TRPC4AP: variants seen among roughly 807,000 people sequenced by gnomAD.
TRPC4AP encodes transient receptor potential cation channel subfamily C member 4 associated protein, also known as short transient receptor potential channel 4-associated protein.
TRPC4AP carries 45 observed loss-of-function variants against 99.0 expected under a neutral mutation model. That is an observed-to-expected ratio of 0.45 (90% CI 0.36 to 0.58). The LOEUF (loss-of-function observed/expected upper bound fraction) is 0.58. Ranked by LOEUF, TRPC4AP falls within the 20% of genes least tolerant of loss-of-function variation. TRPC4AP has a pLI of 0.00. For missense variants in TRPC4AP, 879 were observed against 985.3 expected (o/e 0.89, Z 1.44); for synonymous variants, 408 against 385.8 (o/e 1.06, Z -0.67).
intron 10 of TRPC4AP, among the ~76,000 whole-genome samples, chr20:35,015,276 C>G (rs968580043): frequency 6.6e-6 from 1 of 151,786 alleles, no homozygotes; most frequent in Non-Finnish European, 1.5e-5. Context: ...GCTGGGATTA[C>G]GGGTGTGACC....
chr20:35,039,895 G>A (rs927176928), intron 7 of TRPC4AP, among the ~76,000 whole-genome samples: 3 of 149,968 alleles, frequency 2.0e-5, no homozygotes, highest in African/African-American at 7.4e-5. Context: ...TATCTTCCTG[G>A]GGCTCAGATA....
intron 4 of TRPC4AP, 133 bp from the exon 5 acceptor site, chr20:35,055,164 C>A: frequency 2.8e-6 from 2 of 726,396 alleles, no homozygotes; most frequent in Admixed American, 2.9e-5. Context: ...TATACTTCTT[C>A]CAGCCCCTGT....
chr20:35,021,861 CT>C, intron 8 of TRPC4AP, among the ~76,000 whole-genome samples: 1 of 152,232 alleles, frequency 6.6e-6, no homozygotes, highest in Non-Finnish European at 1.5e-5. Context: ...TAAGGTTCAA[CT>C]TTCTAAAGCA....
At chr20:35,056,982 T>C (rs1220730565) in intron 4 of TRPC4AP, among the ~76,000 whole-genome samples, 2 of 10,746 alleles carry the variant, frequency 1.9e-4, no homozygotes, top group East Asian at 2.6e-3. Flanking sequence ...CGAGAGACTG[T>C]CTCAAAAAAA....
intron 17 of TRPC4AP, 109 bp from the exon 18 acceptor site, chr20:35,003,725 C>T: frequency 8.3e-7 from 1 of 1,208,466 alleles, no homozygotes; most frequent in Non-Finnish European, 1.2e-6. Context: ...GGCCTCGGGC[C>T]ACCCACAGAG....
chr20:35,083,470 G>A (rs995143755), intron 1 of TRPC4AP, among the ~76,000 whole-genome samples: 2 of 151,646 alleles, frequency 1.3e-5, no homozygotes, highest in South Asian at 2.1e-4. Flanking sequence ...TTAGCTGGGC[G>A]TGATGGTGGG....
chr20:35,063,020 T>C (rs983530512), intron 3 of TRPC4AP, among the ~76,000 whole-genome samples: 3 of 152,220 alleles, frequency 2.0e-5, no homozygotes, highest in Admixed American at 6.5e-5. Flanking sequence ...TCACCTTCAA[T>C]TGTAATAATC....
At chr20:35,027,374 A>C (rs866686411) in intron 8 of TRPC4AP, among the ~76,000 whole-genome samples, 15 of 152,380 alleles carry the variant, frequency 9.8e-5, no homozygotes, top group African/African-American at 3.6e-4. Flanking sequence ...ATGTTGAACC[A>C]AACTTGCATA....
chr20:35,086,690 T>C (rs1167648595), intron 1 of TRPC4AP, among the ~76,000 whole-genome samples: 2 of 151,764 alleles, frequency 1.3e-5, no homozygotes, highest in East Asian at 1.9e-4. Context: ...TAAATACTAA[T>C]GGTTAGAATG....
intron 1 of TRPC4AP, among the ~76,000 whole-genome samples, chr20:35,079,757 A>G (rs2145557): frequency 0.59 from 89,184 of 151,856 alleles, 27,165 homozygotes; most frequent in Middle Eastern, 0.74. Context: ...GTTTGCCCCA[A>G]TATTTGCCTA....
chr20:35,092,104 A>T (rs759576248), intron 1 of TRPC4AP, among the ~76,000 whole-genome samples: 6 of 152,222 alleles, frequency 3.9e-5, no homozygotes, highest in Non-Finnish European at 5.9e-5. Flanking sequence ...AGTAATGTAA[A>T]CGAAACGAAT....
intron 4 of TRPC4AP, 65 bp downstream of exon 4, chr20:35,057,449 G>T: frequency 7.6e-7 from 1 of 1,309,306 alleles, no homozygotes; most frequent in Non-Finnish European, 1.1e-6. Flanking sequence ...GAAGGCAGCT[G>T]CTGGGAACTG....
chr20:35,031,028 T>C (rs1270100958), intron 8 of TRPC4AP, among the ~76,000 whole-genome samples: 5 of 152,186 alleles, frequency 3.3e-5, no homozygotes, highest in Non-Finnish European at 7.3e-5. Flanking sequence ...AATGTTTTTA[T>C]TTCAACTTCA....
chr20:35,086,431 ATGTGTGTGTGTGTGTGTGTG>A (rs150231202), intron 1 of TRPC4AP, among the ~76,000 whole-genome samples: 16 of 109,528 alleles, frequency 1.5e-4, no homozygotes, highest in South Asian at 6.5e-4. Flanking sequence ...TGAATGGCAT[ATGTGTGTGTGTGTGTGTGTG>A]TGTGTGTGTG....
chr20:35,072,747 G>A (rs2084353473), intron 2 of TRPC4AP, among the ~76,000 whole-genome samples: 1 of 152,176 alleles, frequency 6.6e-6, no homozygotes, highest in South Asian at 2.1e-4. Flanking sequence ...TTTGGCTTAG[G>A]ATTGTCTTGG....
chr20:35,055,120 A>G, intron 4 of TRPC4AP, 89 bp from the exon 5 acceptor site: 2 of 1,129,302 alleles, frequency 1.8e-6, no homozygotes. Flanking sequence ...AAGAACTGTT[A>G]TAATCCCCTC....
intron 1 of TRPC4AP, among the ~76,000 whole-genome samples, chr20:35,084,756 ATATATGTATATGTATATATATACAGGG>A (rs2084786907): frequency 6.8e-6 from 1 of 146,364 alleles, no homozygotes; most frequent in Admixed American, 6.8e-5. Flanking sequence ...TTATATGCAT[ATATATGTATATGTATATATATACAGGG>A]TATATGTATA....
chr20:35,051,741 CAG>C (rs1422162210), intron 5 of TRPC4AP, among the ~76,000 whole-genome samples: 2 of 151,654 alleles, frequency 1.3e-5, no homozygotes, highest in African/African-American at 4.8e-5. Context: ...TCCAAAGAAA[CAG>C]AACAAAAAGA....
chr20:35,019,312 T>C (rs2082830430), intron 9 of TRPC4AP, among the ~76,000 whole-genome samples: 1 of 152,132 alleles, frequency 6.6e-6, no homozygotes, highest in African/African-American at 2.4e-5. Context: ...TCATTAGTGG[T>C]CCCTTCCCAA....
Sources: gnomAD v4.1 joint callset for allele counts (sites outside exome capture counted in the v4.1 genomes callset) on GRCh38, gnomAD v4.1.1 for gene constraint, MANE v1.5 for transcripts, NCBI Gene and HGNC (gene_info 2026-07-23, HGNC 2026-07-21) for gene names.